SMG6: variants seen among roughly 807,000 people sequenced by gnomAD.
The protein encoded by SMG6 is SMG6 nonsense mediated mRNA decay factor.
In SMG6, 66 loss-of-function variants were observed where a neutral mutation model predicts 142.2. That is an observed-to-expected ratio of 0.46 (90% CI 0.38 to 0.57). The LOEUF (loss-of-function observed/expected upper bound fraction) is 0.57, where lower values mean the gene tolerates loss of function less well. SMG6 is among the 20% of genes least tolerant of loss of function. The pLI is 0.00. For synonymous variants in SMG6, 779 were observed against 702.4 expected, an observed-to-expected ratio of 1.11 and a Z score of -1.72; for missense variants, 1,793 against 1,832.0, an observed-to-expected ratio of 0.98 and a Z score of 0.39.
At chr17:2,152,333 T>C (rs2070851881) in intron 13 of SMG6, among the ~76,000 whole-genome samples, 1 of 152,234 alleles carries the variant, frequency 6.6e-6, no homozygotes, top group Non-Finnish European at 1.5e-5. Flanking sequence ...AATTTCCTTA[T>C]GGTCCTCTAC....
chr17:2,061,828 C>T, intron 18 of SMG6: 1 of 567,146 alleles, frequency 1.8e-6, no homozygotes, highest in Non-Finnish European at 3.1e-6. Flanking sequence ...TGGGCTTCTG[C>T]CTTGACTCCG....
intron 7 of SMG6, 83 bp from the exon 8 acceptor site, chr17:2,282,942 A>G (rs2074823178): frequency 2.2e-6 from 3 of 1,385,020 alleles, no homozygotes; most frequent in South Asian, 1.2e-5. Flanking sequence ...ATGCGGAGGC[A>G]GGCGGATCAC....
intron 13 of SMG6, among the ~76,000 whole-genome samples, chr17:2,155,705 G>T (rs1272584359): frequency 6.6e-6 from 1 of 152,168 alleles, no homozygotes; most frequent in African/African-American, 2.4e-5. Flanking sequence ...TTCAAGAGAG[G>T]AAGGAAATGG....
chr17:2,198,695 A>C (rs1251804034), intron 10 of SMG6, among the ~76,000 whole-genome samples: 1 of 152,192 alleles, frequency 6.6e-6, no homozygotes, highest in Non-Finnish European at 1.5e-5. Flanking sequence ...AAACACAACA[A>C]AAAAAGTAAA....
rs557051599 is a variant in SMG6, at chr17:2,302,862, G to A, written c.88+771C>T. On this transcript the variant is annotated intron_variant, in intron 1 of 18. Coordinates refer to ENST00000263073, the MANE Select transcript of SMG6 (RefSeq NM_017575.5). ...CCTACTACTTTCTAGAGCAGCGGGA[G>A]AAAATAGCCTTAATAATCCAATTAT... Among the ~76,000 whole-genome samples, 164 of 152,288 alleles carry A rather than the reference G, an allele frequency of 1.1e-3. 2 individuals are homozygous for A. Among genetic ancestry groups the A allele is most frequent in the African/African-American group, 3.9e-3 (161 of 41,562 alleles).
chr17:2,128,881 A>AAAAG (rs965872874), intron 13 of SMG6, among the ~76,000 whole-genome samples: 1 of 151,906 alleles, frequency 6.6e-6, no homozygotes, highest in Non-Finnish European at 1.5e-5. Flanking sequence ...AAAAGACAGA[A>AAAAG]AAAGAAAGAA....
chr17:2,081,391 A>G (rs2068419869), intron 15 of SMG6, among the ~76,000 whole-genome samples: 1 of 152,110 alleles, frequency 6.6e-6, no homozygotes, highest in South Asian at 2.1e-4. Context: ...TTGGGAATCC[A>G]GGCAAGCAGA....
chr17:2,072,332 A>G (rs2151404086), intron 15 of SMG6, among the ~76,000 whole-genome samples: 1 of 152,176 alleles, frequency 6.6e-6, no homozygotes, highest in South Asian at 2.1e-4. Context: ...TGCCCTTGGA[A>G]CCCAAGCAAC....
chr17:2,154,761 G>T (rs189276356), intron 13 of SMG6, among the ~76,000 whole-genome samples: 1 of 152,306 alleles, frequency 6.6e-6, no homozygotes, highest in East Asian at 1.9e-4. Flanking sequence ...AAAAGTATAA[G>T]GACAGCATGG....
intron 8 of SMG6, 66 bp downstream of exon 8, chr17:2,282,581 G>GT: frequency 2.6e-6 from 4 of 1,513,216 alleles, no homozygotes; most frequent in Non-Finnish European, 3.7e-6. Context: ...CCTCACAGCT[G>GT]TATGAACCAG....
At chr17:2,066,306 A>ATGTGTGTATGTGTGTGTGTACATGTG (rs199712868) in intron 16 of SMG6, among the ~76,000 whole-genome samples, 1 of 150,988 alleles carries the variant, frequency 6.6e-6, no homozygotes, top group African/African-American at 2.4e-5. Context: ...GCGTGTGTAC[A>ATGTGTGTATGTGTGTGTGTACATGTG]TGTATGTGTG....
At chr17:2,303,437 A>G in intron 1 of SMG6, 196 bp downstream of exon 1, 5 of 1,292,824 alleles carry the variant, frequency 3.9e-6, no homozygotes, top group Non-Finnish European at 4.9e-6. Context: ...GGAGCTGGCC[A>G]GGACTGGCCG....
At chr17:2,086,272 C>T (rs1401026756) in intron 13 of SMG6, among the ~76,000 whole-genome samples, 1 of 152,162 alleles carries the variant, frequency 6.6e-6, no homozygotes, top group Non-Finnish European at 1.5e-5. Flanking sequence ...AGTGCTTTCA[C>T]AGCATAGAGC....
rs757197344 is a variant in SMG6 at position 2,061,475 on chromosome 17, GC to G, written c.*16del. On this transcript the variant is annotated 3_prime_UTR_variant, in exon 19 of 19. Coordinates refer to ENST00000263073, the MANE Select transcript of SMG6 (RefSeq NM_017575.5). ...TCAGGAACGGTTCCACGGGGGGGGGGCCCCAGTGTGGCTCCCTCAGCCCACC... is the reference window on the plus strand; with the variant it reads ...TCAGGAACGGTTCCACGGGGGGGGGGCCCAGTGTGGCTCCCTCAGCCCACC... 10 of 1,565,242 alleles carry G rather than the reference GC, an allele frequency of 6.4e-6. No homozygotes were observed. The highest frequency in any genetic ancestry group is 3.6e-5 in the Admixed American group (2 of 55,144).
intron 13 of SMG6, among the ~76,000 whole-genome samples, chr17:2,118,687 C>T (rs1013440723): frequency 6.0e-5 from 9 of 150,662 alleles, no homozygotes; most frequent in Non-Finnish European, 1.3e-4. Context: ...ACATGGCACA[C>T]TGCAGCCTTG....
At chr17:2,203,707 G>A (rs1411546137) in intron 10 of SMG6, among the ~76,000 whole-genome samples, 1 of 152,152 alleles carries the variant, frequency 6.6e-6, no homozygotes, top group Admixed American at 6.5e-5. Flanking sequence ...ACAGTCAGGA[G>A]GGAGAAATAT....
chr17:2,182,833 G>A (rs541706227), intron 12 of SMG6, among the ~76,000 whole-genome samples: 2 of 147,008 alleles, frequency 1.4e-5, no homozygotes, highest in South Asian at 2.2e-4. Context: ...AGCACCAGCC[G>A]AAGACCACAC....
chr17:2,271,630 G>A (rs375256327), intron 8 of SMG6, among the ~76,000 whole-genome samples: 5 of 152,084 alleles, frequency 3.3e-5, no homozygotes, highest in Admixed American at 6.5e-5. Flanking sequence ...CGGGAGAATC[G>A]CTTAATCCCA....
chr17:2,180,121 G>A (rs1039906968), intron 12 of SMG6, among the ~76,000 whole-genome samples: 1 of 152,136 alleles, frequency 6.6e-6, no homozygotes, highest in Non-Finnish European at 1.5e-5. Flanking sequence ...GAAGCCTGTC[G>A]CTCTACTCCT....
Sources: gnomAD v4.1 joint callset for allele counts (sites outside exome capture counted in the v4.1 genomes callset) on GRCh38, gnomAD v4.1.1 for gene constraint, MANE v1.5 for transcripts, NCBI Gene and HGNC (gene_info 2026-07-23, HGNC 2026-07-21) for gene names.